Variants in PIK3C2G observed in about 807,000 individuals in gnomAD.
PIK3C2G encodes phosphatidylinositol-4-phosphate 3-kinase catalytic subunit type 2 gamma.
PIK3C2G carries 168 observed loss-of-function variants against 181.1 expected under a neutral mutation model. That is an observed-to-expected ratio of 0.93 (90% CI 0.82 to 1.05). The LOEUF is 1.05. PIK3C2G is among the 50% of genes least tolerant of loss of function. The pLI, the probability that PIK3C2G is intolerant of heterozygous loss-of-function variation, is 0.00. For missense variants in PIK3C2G, 1,869 were observed against 1,732.8 expected (o/e 1.08, Z -1.40); for synonymous variants, 573 against 592.2 (o/e 0.97, Z 0.47).
At chr12:18,663,639 C>T in the PIK3C2G span, among the ~76,000 whole-genome samples, 2 of 151,338 alleles carry the variant, frequency 1.3e-5, no homozygotes, top group East Asian at 3.9e-4. Context: ...AACTGTAAAA[C>T]TCTTAGAAAA....
intron 18 of PIK3C2G, among the ~76,000 whole-genome samples, chr12:18,449,210 G>A (rs573337892): frequency 6.6e-6 from 1 of 151,936 alleles, no homozygotes; most frequent in Admixed American, 6.6e-5. Context: ...CTATGTCTCT[G>A]CTTTCATGCC....
At chr12:18,681,303 G>A in the PIK3C2G span, among the ~76,000 whole-genome samples, 1 of 152,124 alleles carries the variant, frequency 6.6e-6, no homozygotes, top group Admixed American at 6.6e-5. Flanking sequence ...CTGAGGAACT[G>A]ACTTTTAAAC....
intron 26 of PIK3C2G, among the ~76,000 whole-genome samples, chr12:18,551,731 C>T (rs1944740101): frequency 6.6e-6 from 1 of 152,132 alleles, no homozygotes; most frequent in Admixed American, 6.6e-5. Context: ...AAAGGCTCTA[C>T]ATGGAGTCAA....
At chr12:18,485,154 G>A (rs1250074416) in intron 18 of PIK3C2G, among the ~76,000 whole-genome samples, 1 of 152,042 alleles carries the variant, frequency 6.6e-6, no homozygotes, top group African/African-American at 2.4e-5. Flanking sequence ...CTAAAATTAC[G>A]GCCTGGATTG....
At chr12:18,600,967 A>C (rs571299072) in intron 30 of PIK3C2G, among the ~76,000 whole-genome samples, 73 of 152,256 alleles carry the variant, frequency 4.8e-4, no homozygotes, top group Non-Finnish European at 7.9e-4. Context: ...TGATGCACAT[A>C]AAGTATTTAC....
rs185706206 is a variant in PIK3C2G at position 18,574,017 on chromosome 12, T to C, written c.4011+6960T>C. On this transcript the variant is annotated intron_variant, in intron 29 of 32. Coordinates refer to ENST00000538779, the MANE Select transcript of PIK3C2G (RefSeq NM_001288772.2). ...CACACAAATACACACACGTACTCTA[T>C]ATATGCACAGAACATACAACTTCTG... 1.5e-4 allele frequency among the ~76,000 whole-genome samples: 23 copies of C among 152,288 alleles called. No individual in the cohort carries two copies. In the East Asian group the frequency reaches 4.4e-3, roughly 29 times the overall value.
chr12:18,249,490 C>G (rs1033212250), intron 1 of PIK3C2G, among the ~76,000 whole-genome samples: 2 of 152,108 alleles, frequency 1.3e-5, no homozygotes, highest in Non-Finnish European at 2.9e-5. Context: ...CTCCTAGGCC[C>G]TGGTTAATCC....
chr12:18,516,039 T>C (rs1222387316), intron 24 of PIK3C2G, among the ~76,000 whole-genome samples: 1 of 152,092 alleles, frequency 6.6e-6, no homozygotes, highest in East Asian at 1.9e-4. Context: ...ATTCTGACTT[T>C]GTCTGTGTAC....
intron 18 of PIK3C2G, among the ~76,000 whole-genome samples, chr12:18,431,138 A>G (rs182314982): frequency 6.6e-6 from 1 of 152,258 alleles, no homozygotes; most frequent in East Asian, 1.9e-4. Context: ...TCTCATTTGC[A>G]AGTCACTCCT....
At chr12:18,495,586 C>T (rs1321944909) in intron 20 of PIK3C2G, among the ~76,000 whole-genome samples, 2 of 152,126 alleles carry the variant, frequency 1.3e-5, no homozygotes, top group East Asian at 3.9e-4. Context: ...CTCCACTTTA[C>T]AGCAAATTAG....
At chr12:18,654,716 G>T in the PIK3C2G span, among the ~76,000 whole-genome samples, 5 of 152,122 alleles carry the variant, frequency 3.3e-5, no homozygotes, top group Non-Finnish European at 7.3e-5. Context: ...TCAGCTCTTG[G>T]TCTGATAAGA....
intron 5 of PIK3C2G, among the ~76,000 whole-genome samples, chr12:18,297,199 C>G (rs528683268): frequency 6.6e-6 from 1 of 152,176 alleles, no homozygotes; most frequent in Admixed American, 6.6e-5. Flanking sequence ...TTCACCTATA[C>G]TTGTAACCGT....
intron 22 of PIK3C2G, among the ~76,000 whole-genome samples, chr12:18,498,260 C>A (rs1488492043): frequency 6.6e-6 from 1 of 152,132 alleles, no homozygotes; most frequent in Non-Finnish European, 1.5e-5. Flanking sequence ...GTCAGCATTT[C>A]TTTTCCTTTA....
chr12:18,643,754 A>G (rs912477211), intron 32 of PIK3C2G, among the ~76,000 whole-genome samples: 23 of 151,926 alleles, frequency 1.5e-4, no homozygotes, highest in African/African-American at 5.6e-4. Flanking sequence ...AGTGCTTACT[A>G]GAGAGCCCAG....
chr12:18,299,635 G>T (rs933216731), intron 5 of PIK3C2G, among the ~76,000 whole-genome samples: 6 of 151,898 alleles, frequency 4.0e-5, no homozygotes, highest in African/African-American at 1.4e-4. Flanking sequence ...TTAAAGAAAA[G>T]ACTTTCAGCT....
chr12:18,694,050 A>T, the PIK3C2G span: 1 of 1,372,072 alleles, frequency 7.3e-7, no homozygotes, highest in Non-Finnish European at 1.0e-6. Context: ...TCTAAAGAAA[A>T]TGTTCTTTAT....
intron 16 of PIK3C2G, among the ~76,000 whole-genome samples, chr12:18,414,136 A>G (rs1027737597): frequency 6.6e-6 from 1 of 152,172 alleles, no homozygotes; most frequent in African/African-American, 2.4e-5. Flanking sequence ...GCAACTAAAA[A>G]GTAGAATGCT....
intron 1 of PIK3C2G, among the ~76,000 whole-genome samples, chr12:18,254,942 G>A (rs1948129255): frequency 6.6e-6 from 1 of 151,732 alleles, no homozygotes; most frequent in African/African-American, 2.4e-5. Context: ...GGGCTCAGTG[G>A]CTCAGGCCGG....
intron 13 of PIK3C2G, among the ~76,000 whole-genome samples, chr12:18,374,749 T>A (rs1942317786): frequency 6.6e-6 from 1 of 152,066 alleles, no homozygotes; most frequent in African/African-American, 2.4e-5. Context: ...GTGTTTGGGG[T>A]CATGGGAGCA....
Sources: gnomAD v4.1 joint callset for allele counts (sites outside exome capture counted in the v4.1 genomes callset) on GRCh38, gnomAD v4.1.1 for gene constraint, MANE v1.5 for transcripts, NCBI Gene and HGNC (gene_info 2026-07-23, HGNC 2026-07-21) for gene names.